DPP6: variants seen among roughly 807,000 people sequenced by gnomAD.
DPP6 encodes the protein dipeptidyl peptidase like 6, also known as A-type potassium channel modulatory protein DPP6.
DPP6 carries 69 observed loss-of-function variants against 122.6 expected under a neutral mutation model. That is an observed-to-expected ratio of 0.56 (90% confidence interval 0.46 to 0.69). The LOEUF is 0.69. DPP6 is among the 30% of genes least tolerant of loss of function. The pLI is 0.00. For missense variants in DPP6, 928 were observed against 1,116.9 expected, an observed-to-expected ratio of 0.83 and a Z score of 2.41; for synonymous variants, 418 against 433.1, an observed-to-expected ratio of 0.97 and a Z score of 0.43.
At chr7:153,985,539 T>A (rs1423785637) in intron 1 of DPP6, among the ~76,000 whole-genome samples, 1 of 152,152 alleles carries the variant, frequency 6.6e-6, no homozygotes, top group African/African-American at 2.4e-5. Context: ...AATGATCTAC[T>A]TTTTTATCTT....
the DPP6 span, among the ~76,000 whole-genome samples, chr7:153,764,864 T>C: frequency 6.6e-6 from 1 of 152,218 alleles, no homozygotes; most frequent in African/African-American, 2.4e-5. Flanking sequence ...TCCCCTCTCT[T>C]CACATGGGGC....
intron 16 of DPP6, among the ~76,000 whole-genome samples, chr7:154,810,784 T>TCA (rs1409382415): frequency 6.6e-6 from 1 of 151,670 alleles, no homozygotes; most frequent in Non-Finnish European, 1.5e-5. Flanking sequence ...CCACACTGGG[T>TCA]CACACACACA....
In DPP6 at chr7:154,080,540, G is replaced by A. The variant is rs564738802; in HGVS notation, c.243+27477G>A. On this transcript the variant is annotated intron_variant, in intron 1 of 25. Coordinates refer to ENST00000377770, the MANE Select transcript of DPP6 (RefSeq NM_130797.4). ...CCATTCCTGCCTGTGCTAGAGGATTGCCTTTAATTGCTTGCTGGAGCACAT... is the reference window on the plus strand; with the variant it reads ...CCATTCCTGCCTGTGCTAGAGGATTACCTTTAATTGCTTGCTGGAGCACAT... 8.6e-5 allele frequency among the ~76,000 whole-genome samples: 13 copies of A among 150,904 alleles called. No homozygotes were observed. The East Asian group carries it at 1.7e-3, about 20-fold the overall frequency.
intron 1 of DPP6, among the ~76,000 whole-genome samples, chr7:154,248,876 AAAAAG>A (rs568820565): frequency 5.9e-4 from 90 of 152,340 alleles, no homozygotes; most frequent in African/African-American, 2.1e-3. Flanking sequence ...AGGAAAAAAA[AAAAAG>A]AAAAGGCATT....
chr7:154,277,619 G>A (rs113747177), intron 1 of DPP6, among the ~76,000 whole-genome samples: 1 of 152,078 alleles, frequency 6.6e-6, no homozygotes, highest in African/African-American at 2.4e-5. Flanking sequence ...CAAAAGATTA[G>A]CCAGGCATGG....
At chr7:154,574,366 GTAT>G (rs1246019799) in intron 5 of DPP6, among the ~76,000 whole-genome samples, 1 of 136,904 alleles carries the variant, frequency 7.3e-6, no homozygotes, top group Non-Finnish European at 1.6e-5. Flanking sequence ...TGTGTGTTGT[GTAT>G]GTGTGTGTAT....
intron 1 of DPP6, among the ~76,000 whole-genome samples, chr7:154,292,795 TCACAAAAGTTA>T (rs1333788229): frequency 3.3e-5 from 5 of 152,222 alleles, no homozygotes; most frequent in Admixed American, 3.3e-4. Flanking sequence ...AAATCGCGTT[TCACAAAAGTTA>T]CACAAAACAA....
rs1046029519 is a variant in DPP6 at position 154,626,834 on chromosome 7, A to T, written c.628-10987A>T. ...AACCCTTGTATAAATGGTTGCAGTA[A>T]ATTGCCTAGAGCAGTGAAGGAAAGA... On this transcript the variant is annotated intron_variant, in intron 5 of 25. Coordinates refer to ENST00000377770, the MANE Select transcript of DPP6 (RefSeq NM_130797.4). Among the ~76,000 whole-genome samples the T allele has an allele frequency of 2.6e-5, 4 of 152,174 alleles. No individual in the cohort carries two copies. The South Asian group carries it at 8.3e-4, about 32-fold the overall frequency.
chr7:154,110,897 G>A (rs576670603), intron 1 of DPP6, among the ~76,000 whole-genome samples: 1 of 152,060 alleles, frequency 6.6e-6, no homozygotes, highest in South Asian at 2.1e-4. Flanking sequence ...AATGTGGGCT[G>A]AAGGCTTAGA....
At chr7:154,167,757 T>G (rs554870307) in intron 1 of DPP6, among the ~76,000 whole-genome samples, 2 of 152,318 alleles carry the variant, frequency 1.3e-5, no homozygotes, top group East Asian at 3.9e-4. Context: ...TTTAGTGACT[T>G]TGTTCATTTT....
At chr7:154,671,097 GA>G (rs886731202) in intron 7 of DPP6, among the ~76,000 whole-genome samples, 4 of 152,038 alleles carry the variant, frequency 2.6e-5, no homozygotes, top group African/African-American at 9.7e-5. Flanking sequence ...CTTACACAGG[GA>G]AAAAAATGCA....
At chr7:153,906,571 C>T (rs1799860828) in intron 1 of DPP6, among the ~76,000 whole-genome samples, 1 of 152,174 alleles carries the variant, frequency 6.6e-6, no homozygotes, top group South Asian at 2.1e-4. Context: ...CCACCTCAGC[C>T]TCCTGAGTAG....
chr7:153,845,081 T>A, the DPP6 span, among the ~76,000 whole-genome samples: 3 of 152,160 alleles, frequency 2.0e-5, no homozygotes, highest in African/African-American at 7.2e-5. Flanking sequence ...AACAGATGGA[T>A]TCTGTTTTGG....
intron 4 of DPP6, among the ~76,000 whole-genome samples, chr7:154,545,569 T>G (rs1422299469): frequency 1.4e-4 from 21 of 151,484 alleles, no homozygotes. Context: ...TTTGCTGAAC[T>G]AAATAGATTT....
chr7:153,934,912 G>A (rs138534666), intron 1 of DPP6, among the ~76,000 whole-genome samples: 1 of 151,918 alleles, frequency 6.6e-6, no homozygotes, highest in East Asian at 1.9e-4. Context: ...CAGGGAGGAG[G>A]CTCAGTGCCA....
At chr7:154,060,607 C>G (rs1360706578) in intron 1 of DPP6, among the ~76,000 whole-genome samples, 1 of 141,844 alleles carries the variant, frequency 7.1e-6, no homozygotes, top group Non-Finnish European at 1.5e-5. Flanking sequence ...CCCTCTTCCC[C>G]CCCCTGGCTC....
At chr7:153,952,863 C>A (rs1216370607) in intron 1 of DPP6, among the ~76,000 whole-genome samples, 2 of 152,168 alleles carry the variant, frequency 1.3e-5, no homozygotes, top group Non-Finnish European at 2.9e-5. Flanking sequence ...AAAGCCCTGT[C>A]AAATACAGGA....
rs111236930 is a variant in DPP6, at chr7:153,896,295, A to T, written c.51+8561A>T. Among the ~76,000 whole-genome samples the T allele has an allele frequency of 6.2e-3, 942 of 152,350 alleles. 8 individuals carry two copies. Among genetic ancestry groups the T allele is most frequent in the African/African-American group, 0.022 (898 of 41,572 alleles). On this transcript the variant is annotated intron_variant, in intron 1 of 25. Transcript: ENST00000404039. The stretch of plus-strand genomic sequence containing the variant: ...GACTAACAGTCTCATACGTTTCATT[A>T]CATTAATCTAAAAAATGGTACTTCT...
intron 3 of DPP6, chr7:154,475,598 T>A (rs10249186): frequency 0.32 from 50,285 of 156,848 alleles, 8,420 homozygotes; most frequent in Middle Eastern, 0.42. Context: ...ATTTTTTTTT[T>A]AAAACAACAG....
Sources: gnomAD v4.1 joint callset for allele counts (sites outside exome capture counted in the v4.1 genomes callset) on GRCh38, gnomAD v4.1.1 for gene constraint, MANE v1.5 for transcripts, NCBI Gene and HGNC (gene_info 2026-07-23, HGNC 2026-07-21) for gene names.